Variants in PGM1 observed in about 807,000 individuals in gnomAD.
PGM1 encodes the protein phosphoglucomutase 1.
A neutral mutation model predicts 55.6 loss-of-function variants in PGM1; 52 were observed. The ratio of observed to expected loss-of-function variants is 0.94; its 90% CI spans 0.75 to 1.18. The LOEUF is 1.18. Among genes scored for constraint, PGM1 ranks in the 50% most tolerant of loss-of-function variants. The probability of loss-of-function intolerance (pLI) is 0.00; values close to 1 mark genes in which losing one functional copy is unlikely to be tolerated. For missense variants in PGM1, 724 were observed against 729.3 expected (o/e 0.99, Z 0.08); for synonymous variants, 287 against 271.7 (o/e 1.06, Z -0.55).
At chr1:63,615,367 AT>A (rs545643778) in intron 1 of PGM1, among the ~76,000 whole-genome samples, 2 of 152,036 alleles carry the variant, frequency 1.3e-5, no homozygotes, top group Non-Finnish European at 2.9e-5. Flanking sequence ...CACTCTCTGC[AT>A]TTTATGGAAA....
At chr1:63,623,033 G>C (rs969636907) in intron 1 of PGM1, 6 of 170,542 alleles carry the variant, frequency 3.5e-5, no homozygotes, top group African/African-American at 1.4e-4. Context: ...AATCTGCTTC[G>C]TGGGACTGCA....
intron 8 of PGM1, 97 bp downstream of exon 8, chr1:63,648,749 A>G: frequency 7.6e-7 from 1 of 1,314,956 alleles, no homozygotes; most frequent in East Asian, 2.3e-5. Flanking sequence ...AGTGCTAATA[A>G]AACCCTAGGT....
At chr1:63,610,972 TG>T (rs536488414) in intron 1 of PGM1, among the ~76,000 whole-genome samples, 292 of 152,286 alleles carry the variant, frequency 1.9e-3, no homozygotes, top group African/African-American at 6.8e-3. Context: ...GTGGTTCTGG[TG>T]AATAGTTGAT....
Position 63,615,131 on chromosome 1 carries a change from T to C in PGM1, c.247-14294T>C, listed in dbSNP as rs80015607. On this transcript the variant is annotated intron_variant, in intron 1 of 10. Transcript: ENST00000371084. ...ACCATTGGAGATGTTTAATCAGTATTTATCCACAGATAAACCCATTGCATC... is the reference window on the plus strand; with the variant it reads ...ACCATTGGAGATGTTTAATCAGTATCTATCCACAGATAAACCCATTGCATC... Among the ~76,000 whole-genome samples the C allele has an allele frequency of 2.4e-4, 37 of 152,302 alleles. No homozygotes were observed. The East Asian group carries it at 6.4e-3, about 26-fold the overall frequency.
chr1:63,655,224 C>T (rs931843424), intron 10 of PGM1, among the ~76,000 whole-genome samples: 7 of 151,864 alleles, frequency 4.6e-5, no homozygotes, highest in South Asian at 4.2e-4. Flanking sequence ...AAGTAATCCT[C>T]CTACCTCAGC....
intron 1 of PGM1, among the ~76,000 whole-genome samples, chr1:63,607,193 A>T (rs559685214): frequency 6.6e-6 from 1 of 152,274 alleles, no homozygotes; most frequent in South Asian, 2.1e-4. Context: ...GTGTGGGTAG[A>T]CTTTACATGG....
chr1:63,636,297 A>G lies in PGM1; in HGVS notation c.937A>G (p.Ile313Val), dbSNP rs1423743858. ...GAACCCTTCAGACTCTGTGGCTGTC[A>G]TTGCTGCCAACATCTTCAGCATTCC... ...FVNPSDSVAV[I>V]AANIFSIPYF... Residue 313 changes from isoleucine (I) to valine (V), a missense_variant, in exon 6 of 11, where the codon ATT becomes GTT. By Grantham distance (29) the Ile-to-Val change is conservative. Transcript: ENST00000371084. 9.3e-6 allele frequency: 15 copies of G among 1,614,022 alleles called. No homozygotes were observed. Among genetic ancestry groups the G allele is most frequent in the Admixed American group, 1.7e-5 (1 of 60,010 alleles).
At chr1:63,629,209 A>G (rs975655246) in intron 1 of PGM1, among the ~76,000 whole-genome samples, 3 of 152,178 alleles carry the variant, frequency 2.0e-5, no homozygotes, top group Non-Finnish European at 4.4e-5. Context: ...AGTCCCGAAA[A>G]CCATCTGAAG....
intron 1 of PGM1, among the ~76,000 whole-genome samples, chr1:63,609,907 T>C (rs1184960102): frequency 6.6e-6 from 1 of 152,202 alleles, no homozygotes; most frequent in African/African-American, 2.4e-5. Flanking sequence ...GTGGATCAGA[T>C]GCATTTTTGA....
intron 4 of PGM1, among the ~76,000 whole-genome samples, chr1:63,632,648 A>C (rs1393884375): frequency 2.0e-5 from 3 of 152,180 alleles, no homozygotes; most frequent in African/African-American, 7.2e-5. Context: ...ATGCCTGGGG[A>C]ATAGGCAGGA....
At chr1:63,641,754 C>T (rs1169937003) in intron 7 of PGM1, among the ~76,000 whole-genome samples, 1 of 152,068 alleles carries the variant, frequency 6.6e-6, no homozygotes, top group Non-Finnish European at 1.5e-5. Flanking sequence ...TGTCTGTTGG[C>T]TGTATATGCC....
At chr1:63,603,773 G>A (rs1648307218) in intron 1 of PGM1, among the ~76,000 whole-genome samples, 1 of 152,150 alleles carries the variant, frequency 6.6e-6, no homozygotes, top group African/African-American at 2.4e-5. Context: ...TAGCAGAAGT[G>A]CACTCAAGAT....
chr1:63,631,252 G>A (rs1243749523), intron 3 of PGM1, among the ~76,000 whole-genome samples: 2 of 152,088 alleles, frequency 1.3e-5, no homozygotes, highest in South Asian at 2.1e-4. Context: ...AGAAAAGTGG[G>A]GATTACATTT....
chr1:63,593,855 C>T (rs1647950766), intron 1 of PGM1, 121 bp downstream of exon 1: 2 of 1,302,076 alleles, frequency 1.5e-6, no homozygotes, highest in Non-Finnish European at 1.9e-6. Context: ...GTTTCCACCT[C>T]CCGCTCCTCC....
At chr1:63,609,919 T>C (rs764593817) in intron 1 of PGM1, among the ~76,000 whole-genome samples, 5 of 152,212 alleles carry the variant, frequency 3.3e-5, no homozygotes, top group Non-Finnish European at 7.3e-5. Flanking sequence ...CATTTTTGAC[T>C]GATGATATTT....
rs976783985 is a variant in PGM1 at position 63,651,742 on chromosome 1, C to G, written c.1354C>G (p.Arg452Gly). The change falls in exon 9 of 11, where the codon CGC becomes GGC. Residue 452 changes from arginine (R) to glycine (G), a missense_variant. Physicochemically the swap from Arg to Gly is moderately radical, Grantham distance 125. Transcript: ENST00000371084. ...MKDLEALMFD[R>G]SFVGKQFSAN... ...GGACTTGGAGGCCCTGATGTTTGATCGCTCCTTTGTGGGGAAGCAGTTCTC... is the reference window on the plus strand; with the variant it reads ...GGACTTGGAGGCCCTGATGTTTGATGGCTCCTTTGTGGGGAAGCAGTTCTC... The G allele has an allele frequency of 6.2e-7, 1 of 1,613,630 alleles. No individual in the cohort carries two copies. The highest frequency in any genetic ancestry group is 8.5e-7 in the Non-Finnish European group (1 of 1,179,772).
At chr1:63,639,059 A>G (rs76547636) in intron 7 of PGM1, among the ~76,000 whole-genome samples, 2 of 152,296 alleles carry the variant, frequency 1.3e-5, no homozygotes, top group African/African-American at 4.8e-5. Flanking sequence ...CAGCGTGGTC[A>G]TTGAGTCTGC....
intron 1 of PGM1, among the ~76,000 whole-genome samples, chr1:63,619,192 A>T (rs2269261): frequency 0.12 from 17,555 of 152,216 alleles, 1,606 homozygotes; most frequent in African/African-American, 0.26. Context: ...GGTCTACCCC[A>T]TTTGCTCATG....
chr1:63,596,254 C>CTTTTTTTTTTT (rs531673796), intron 1 of PGM1, among the ~76,000 whole-genome samples: 2 of 111,330 alleles, frequency 1.8e-5, no homozygotes, highest in Non-Finnish European at 1.8e-5. Context: ...TTTTCTTCTT[C>CTTTTTTTTTTT]TTTTTTTTTT....
Sources: allele counts gnomAD v4.1 joint callset (sites outside exome capture counted in the v4.1 genomes callset), GRCh38; gene constraint gnomAD v4.1.1; transcripts MANE v1.5; gene names NCBI Gene and HGNC (gene_info 2026-07-23, HGNC 2026-07-21).